The following CHIT1 variants were observed in gnomAD, a reference collection of about 807,000 sequenced individuals.
CHIT1 encodes chitotriosidase-1.
In CHIT1, 47 loss-of-function variants were observed where a neutral mutation model predicts 52.0. The observed-to-expected ratio is 0.90, with a 90% CI of 0.71 to 1.15. The LOEUF (loss-of-function observed/expected upper bound fraction) is 1.15. CHIT1 is among the 50% of genes most tolerant of loss of function. The pLI, the probability that CHIT1 is intolerant of heterozygous loss-of-function variation, is 0.00. For missense variants in CHIT1, 569 were observed against 583.0 expected, an observed-to-expected ratio of 0.98 and a Z score of 0.25; for synonymous variants, 242 against 228.2, an observed-to-expected ratio of 1.06 and a Z score of -0.54.
At chr1:203,219,627 C>G (rs779327487) in intron 8 of CHIT1, 37 bp downstream of exon 8, 2 of 1,609,938 alleles carry the variant, frequency 1.2e-6, no homozygotes, top group African/African-American at 2.7e-5. Context: ...CACCCCCTGA[C>G]CCTCACAATA....
intron 8 of CHIT1, 74 bp downstream of exon 8, chr1:203,219,590 G>A (rs926225244): frequency 1.9e-6 from 3 of 1,538,748 alleles, no homozygotes; most frequent in Admixed American, 3.3e-5. Context: ...AGAAACGGTG[G>A]GAGAAGGAAA....
At chr1:203,225,157 C>T (rs1408879512) in intron 3 of CHIT1, 53 bp from the exon 4 acceptor site, 7 of 1,566,822 alleles carry the variant, frequency 4.5e-6, no homozygotes, top group Non-Finnish European at 5.3e-6. Context: ...CCCAGGGCAC[C>T]CTGGCAGGGA....
rs768580438 is a variant in CHIT1, at chr1:203,219,824, T to C, written c.755A>G (p.Gln252Arg). ...CAGCTTGCTGGCAGGGGTCCCCTTC[T>C]GCAGCCACTGTTGCACAGCAGCATC... is the stretch of plus-strand genomic sequence containing the variant. The part of the protein sequence containing the change: ...NVDAAVQQWL[Q>R]KGTPASKLIL... Residue 252 changes from glutamine (Q) to arginine (R), a missense_variant, in exon 8 of 11, where the codon CAG becomes CGG. Gln to Arg is a conservative substitution (Grantham distance 43, BLOSUM62 1). Transcript: ENST00000367229. 1.9e-6 allele frequency: 3 copies of C among 1,612,290 alleles called. No individual in the cohort carries two copies. Among genetic ancestry groups the C allele is most frequent in the Non-Finnish European group, 2.5e-6 (3 of 1,179,852 alleles).
chr1:203,216,792 G>T lies in CHIT1; in HGVS notation c.*97C>A, dbSNP rs554780907. On this transcript the variant is annotated 3_prime_UTR_variant, in exon 11 of 11. Transcript: ENST00000367229. Reference sequence around the variant, plus strand: ...AAGGAAGACCACAGAAAGGCCTGCAGGAGCCAGATTGCGGCCCCCAGGGAA... The same window carrying T: ...AAGGAAGACCACAGAAAGGCCTGCATGAGCCAGATTGCGGCCCCCAGGGAA... 8.5e-6 allele frequency: 13 copies of T among 1,532,458 alleles called. No individual in the cohort carries two copies. The African/African-American group carries it at 9.5e-5, about 11-fold the overall frequency. The allele number at this position is 1,532,458 out of a possible 1,614,324, so 94.9% of individuals were successfully genotyped here.
Position 203,219,297 on chromosome 1 carries a change from T to C in CHIT1, c.948A>G (p.Arg316=), listed in dbSNP as rs1656646080. Residue 316 remains arginine (R), a synonymous_variant, in exon 9 of 11, where the codon AGA becomes AGG. Transcript: ENST00000367229. ...TGTAGGGCACCTTCTGATCCTGGAT[T>C]CTCTGTTTGGTGGCCCCCTTCCAGG... The part of the protein sequence containing the change: ...VCSWKGATKQ[R]IQDQKVPYIF... The C allele has an allele frequency of 6.2e-7, 1 of 1,612,306 alleles. No homozygotes were observed. The highest frequency in any genetic ancestry group is 1.3e-5 in the African/African-American group (1 of 74,888).
At position 203,229,630 on chromosome 1, in the gene CHIT1, G is replaced by C. The variant is rs199867760; in HGVS notation, c.7C>G (p.Arg3Gly). The C allele has an allele frequency of 5.1e-5, 83 of 1,613,998 alleles. No individual in the cohort carries two copies. The highest frequency in any genetic ancestry group is 2.7e-5 in the Non-Finnish European group (32 of 1,179,984). MV[R>G]SVAWAGFMVL... The stretch of plus-strand genomic sequence containing the variant: ...GGCTCACCTGCCCAGGCCACAGACC[G>C]CACCATGATGCAGCTCAGCGGCAGG... Residue 3 changes from arginine (R) to glycine (G), a missense_variant, in exon 1 of 11, where the codon CGG becomes GGG. By Grantham distance (125) the Arg-to-Gly change is moderately radical (BLOSUM62 -2). Transcript: ENST00000367229.
In CHIT1 at chr1:203,222,224, CCA is replaced by C; in HGVS notation, c.705_706del (p.Ser235ArgfsTer70). On this transcript the variant is annotated frameshift_variant, in exon 7 of 11. Transcript: ENST00000367229. LOFTEE classifies it high-confidence loss of function. ...TACCACGTTGAGGCTGGCTGCTGCA[CCA>C]CTCTCTTCTTGCCTCTTGTAGAGGG... 6.2e-7 allele frequency: 1 copy of C among 1,614,160 alleles called. No homozygotes were observed. Among genetic ancestry groups the C allele is most frequent in the Non-Finnish European group, 8.5e-7 (1 of 1,180,044 alleles).
intron 2 of CHIT1, among the ~76,000 whole-genome samples, chr1:203,227,221 G>A (rs897649821): frequency 5.9e-5 from 9 of 152,142 alleles, no homozygotes; most frequent in Non-Finnish European, 1.3e-4. Context: ...GCCCCGGAGT[G>A]GTCACTGTCT....
In CHIT1 at chr1:203,216,973, G is replaced by A. The variant is rs747518444; in HGVS notation, c.1317C>T (p.Ser439=). Residue 439 remains serine, a synonymous_variant, in exon 11 of 11, where the codon AGC becomes AGT. Coordinates refer to ENST00000367229, the MANE Select transcript of CHIT1 (RefSeq NM_003465.3). The part of the protein sequence containing the change: ...PNPRERSSFY[S]CAAGRLFQQS... ...GCTGGAACAGCCGCCCCGCTGCACA[G>A]CTGTAGAAGCTGGACCGTTCCCGAG... 1 of 1,614,206 alleles carries A rather than the reference G, an allele frequency of 6.2e-7. No individual in the cohort carries two copies. Among genetic ancestry groups the A allele is most frequent in the Non-Finnish European group, 8.5e-7 (1 of 1,179,998 alleles).
chr1:203,217,766 G>C lies in CHIT1; in HGVS notation c.1129C>G (p.Leu377Val), dbSNP rs1413005910. The C allele has an allele frequency of 1.9e-6, 3 of 1,613,590 alleles. No individual in the cohort carries two copies. Among genetic ancestry groups the C allele is most frequent in the Non-Finnish European group, 2.5e-6 (3 of 1,179,744 alleles). The change falls in exon 10 of 11, where the codon CTC (leucine) becomes GTC (valine). Residue 377 changes from leucine to valine, a missense_variant. Coordinates refer to ENST00000367229, the MANE Select transcript of CHIT1 (RefSeq NM_003465.3). ...GFSCNQGRYP[L>V]IQTLRQELSL... ...AGTTCCTGCCGTAGCGTCTGGATGA[G>C]GGGGTATCGGCCCTGGTTGCAGGAG...
rs200777680 is a variant in CHIT1, at chr1:203,223,211, G to T, written c.529C>A (p.Arg177Ser). 51 of 1,614,086 alleles carry T rather than the reference G, an allele frequency of 3.2e-5. No individual in the cohort carries two copies. The South Asian group carries it at 4.5e-4, about 14-fold the overall frequency. Residue 177 changes from arginine to serine, a missense_variant, in exon 6 of 11, where the codon CGC becomes AGC. Transcript: ENST00000367229. ...QQEAQTSGKE[R>S]LLLSAAVPAG... ...GGAACCGCTGCACTCAGAAGAAGGC[G>T]TTCCTTCCCTGAGGTCTGGGCTTCC... is the stretch of plus-strand genomic sequence containing the variant.
chr1:203,217,744 T>A lies in CHIT1; in HGVS notation c.1151A>T (p.Glu384Val). 1 of 1,613,672 alleles carries A rather than the reference T, an allele frequency of 6.2e-7. No individual in the cohort carries two copies. The highest frequency in any genetic ancestry group is 8.5e-7 in the Non-Finnish European group (1 of 1,179,780). The change falls in exon 10 of 11, where the codon GAA becomes GTA. Residue 384 changes from glutamate to valine, a missense_variant. Coordinates refer to ENST00000367229, the MANE Select transcript of CHIT1 (RefSeq NM_003465.3). Reference protein sequence around the residue: ...RYPLIQTLRQELSLPYLPSGT... With the variant: ...RYPLIQTLRQVLSLPYLPSGT... ...GCCCTGGGCCCCTTACTTACTCAGT[T>A]CCTGCCGTAGCGTCTGGATGAGGGG...
chr1:203,229,406 C>T (rs1253897008), intron 1 of CHIT1, among the ~76,000 whole-genome samples: 1 of 152,198 alleles, frequency 6.6e-6, no homozygotes, highest in Non-Finnish European at 1.5e-5. Context: ...CATGAAGTCT[C>T]TTGGGCTGAA....
At position 203,217,805 on chromosome 1, in the gene CHIT1, C is replaced by T. The variant is rs770731880; in HGVS notation, c.1090G>A (p.Asp364Asn). 1 of 1,256,268 alleles carries T rather than the reference C, an allele frequency of 8.0e-7. No individual in the cohort carries two copies. Among genetic ancestry groups the T allele is most frequent in the Non-Finnish European group, 1.1e-6 (1 of 905,420 alleles). The allele number at this position is 1,256,268 out of a possible 1,614,324, so 77.8% of individuals were successfully genotyped here. Reference protein sequence around the residue: ...GAMVWALDLDDFAGFSCNQGR... With the variant: ...GAMVWALDLDNFAGFSCNQGR... ...TGGTTGCAGGAGAAGCCGGCAAAGTCATCTAAGTCCAGTGCCCAGACCATG... is the reference window on the plus strand; with the variant it reads ...TGGTTGCAGGAGAAGCCGGCAAAGTTATCTAAGTCCAGTGCCCAGACCATG... The change falls in exon 10 of 11, where the codon GAC becomes AAC. Residue 364 changes from aspartate to asparagine, a missense_variant. Transcript: ENST00000367229.
At chr1:203,228,388 G>A in intron 2 of CHIT1, 145 bp downstream of exon 2, 1 of 863,292 alleles carries the variant, frequency 1.2e-6, no homozygotes, top group Non-Finnish European at 1.9e-6. Context: ...GGTAGCAGAT[G>A]GGGACATTTG....
intron 2 of CHIT1, 127 bp from the exon 3 acceptor site, chr1:203,225,997 C>T (rs925027680): frequency 3.0e-6 from 3 of 999,580 alleles, no homozygotes; most frequent in African/African-American, 1.6e-5. Flanking sequence ...GTGGAGGGAC[C>T]CGACAGGCAG....
upstream of CHIT1, chr1:203,229,776 G>T (rs768751123): frequency 1.0e-6 from 1 of 980,952 alleles, no homozygotes; most frequent in South Asian, 1.4e-5. Flanking sequence ...GAGCAGGGTG[G>T]GGAGGGGTAA....
intron 7 of CHIT1, 120 bp downstream of exon 7, chr1:203,222,082 C>T: frequency 7.1e-7 from 1 of 1,403,974 alleles, no homozygotes; most frequent in South Asian, 1.2e-5. Flanking sequence ...AACAAAAAAG[C>T]TTCTTGTTTC....
In CHIT1 at chr1:203,217,046, C is replaced by T. The variant is rs145865814; in HGVS notation, c.1244G>A (p.Gly415Glu). 4 of 1,614,040 alleles carry T rather than the reference C, an allele frequency of 2.5e-6. No individual in the cohort carries two copies. The highest frequency in any genetic ancestry group is 2.2e-5 in the East Asian group (1 of 44,880). The change falls in exon 11 of 11, where the codon GGA (glycine) becomes GAA (glutamate). Residue 415 changes from glycine (G) to glutamate (E), a missense_variant. By Grantham distance (98) the Gly-to-Glu change is moderately conservative. Transcript: ENST00000367229. ...PSEPEHGPSP[G>E]QDTFCQGKAD... ...TTTGCCCTGGCAGAACGTGTCTTGT[C>T]CAGGGCTGGGGCCATGCTCAGGTTC...
Sources: allele counts gnomAD v4.1 joint callset (sites outside exome capture counted in the v4.1 genomes callset), GRCh38; gene constraint gnomAD v4.1.1; transcripts MANE v1.5; gene names NCBI Gene and HGNC (gene_info 2026-07-23, HGNC 2026-07-21).